Variants in BRF1 observed in about 807,000 individuals in gnomAD.
The protein encoded by BRF1 is BRF1 general transcription factor IIIB subunit.
BRF1 carries 59 observed loss-of-function variants against 81.7 expected under a neutral mutation model. That is an observed-to-expected ratio of 0.72 (90% confidence interval 0.59 to 0.90). BRF1 has a LOEUF of 0.90. BRF1 is among the 40% of genes least tolerant of loss of function. The probability of loss-of-function intolerance (pLI) is 0.00; values close to 1 mark genes in which losing one functional copy is unlikely to be tolerated. For synonymous variants in BRF1, 491 were observed against 395.6 expected (o/e 1.24, Z -2.86); for missense variants, 1,050 against 936.3 (o/e 1.12, Z -1.58).
intron 1 of BRF1, among the ~76,000 whole-genome samples, chr14:105,293,564 G>A (rs1324366752): frequency 1.3e-5 from 2 of 152,244 alleles, no homozygotes; most frequent in Non-Finnish European, 2.9e-5. Context: ...GGCACACACA[G>A]TGCAGGACAC....
At chr14:105,251,792 A>G (rs902101589) in intron 5 of BRF1, among the ~76,000 whole-genome samples, 11 of 151,978 alleles carry the variant, frequency 7.2e-5, no homozygotes, top group African/African-American at 2.4e-4. Flanking sequence ...GTAGGTCAGA[A>G]CCATCGGGCA....
At chr14:105,246,011 C>T (rs921692175) in intron 5 of BRF1, among the ~76,000 whole-genome samples, 2 of 152,080 alleles carry the variant, frequency 1.3e-5, no homozygotes, top group African/African-American at 4.8e-5. Flanking sequence ...TATGTGCAAA[C>T]CATCTATCTC....
chr14:105,241,581 C>T (rs1021828329), intron 5 of BRF1, 167 bp from the exon 6 acceptor site: 71 of 885,582 alleles, frequency 8.0e-5, no homozygotes, highest in Non-Finnish European at 3.6e-5. Context: ...TCAGCTAGGG[C>T]AGCCATCGCA....
chr14:105,281,016 T>A (rs2057068164), intron 2 of BRF1, among the ~76,000 whole-genome samples: 1 of 146,482 alleles, frequency 6.8e-6, no homozygotes, highest in African/African-American at 2.6e-5. Context: ...ACAGCCTGCG[T>A]GACCCTGAGC....
intron 1 of BRF1, among the ~76,000 whole-genome samples, chr14:105,308,475 TTCTG>T (rs1292969252): frequency 1.3e-5 from 2 of 149,178 alleles, no homozygotes; most frequent in South Asian, 2.1e-4. Context: ...CAGAGGCAGA[TTCTG>T]TCTTTTTTTT....
chr14:105,286,319 G>A lies in BRF1; in HGVS notation c.242C>T (p.Ser81Leu), dbSNP rs892408346. 2.9e-5 allele frequency: 47 copies of A among 1,613,498 alleles called. 1 individual carries two copies. The highest frequency in any genetic ancestry group is 4.0e-5 in the Non-Finnish European group (47 of 1,179,856). The part of the protein sequence containing the change: ...GGFHVNLGKE[S>L]RAQTLQNGRR... ...ACCATTCTGCAGGGTCTGCGCTCTCGACTCCTTCCCCAGATTCACGTGGAA... is the reference window on the plus strand; with the variant it reads ...ACCATTCTGCAGGGTCTGCGCTCTCAACTCCTTCCCCAGATTCACGTGGAA... The change falls in exon 2 of 18, where the codon TCG becomes TTG. Residue 81 changes from serine to leucine, a missense_variant. Coordinates refer to ENST00000547530, the MANE Select transcript of BRF1 (RefSeq NM_001519.4).
intron 3 of BRF1, among the ~76,000 whole-genome samples, chr14:105,261,522 G>A (rs2056151062): frequency 6.6e-6 from 1 of 152,214 alleles, no homozygotes; most frequent in African/African-American, 2.4e-5. Flanking sequence ...GATGCTTGCA[G>A]GGAGAAAAAC....
rs1353916385 is a variant in BRF1, at chr14:105,315,391, C to T, written c.-231G>A. ...CCGGCCGGGGTGACGAGGGTGCTTC[C>T]TCTCTCGGGTACCACACGCTTCCTT... On this transcript the variant is annotated 5_prime_UTR_variant, in exon 1 of 18. Coordinates refer to the BRF1 transcript ENST00000327359. This position sits in a 1 kb window ranked among gnomAD's most constrained non-coding sequence, Gnocchi z 4.4. 1.3e-5 allele frequency: 2 copies of T among 152,294 alleles called. No individual in the cohort carries two copies. Among genetic ancestry groups the T allele is most frequent in the African/African-American group, 4.8e-5 (2 of 41,458 alleles). 9.4% of individuals were successfully genotyped at this position (152,294 alleles called of 1,614,324 possible).
intron 15 of BRF1, chr14:105,212,385 GAC>G (rs996569714): frequency 1.7e-4 from 97 of 568,556 alleles, no homozygotes; most frequent in African/African-American, 1.7e-3. Flanking sequence ...AGCAGCACTC[GAC>G]ACAAACACAG....
At chr14:105,273,162 CCTCT>C (rs996444007) in intron 2 of BRF1, among the ~76,000 whole-genome samples, 2 of 152,176 alleles carry the variant, frequency 1.3e-5, no homozygotes, top group African/African-American at 4.8e-5. Flanking sequence ...GCTGAATGTG[CCTCT>C]CTCCAGGGCT....
chr14:105,267,331 G>A (rs2056462406), intron 3 of BRF1, among the ~76,000 whole-genome samples: 1 of 151,678 alleles, frequency 6.6e-6, no homozygotes. Context: ...TTGAGACGGG[G>A]CTCACTCTAT....
At chr14:105,250,399 G>C in intron 5 of BRF1, 1 of 1,613,874 alleles carries the variant, frequency 6.2e-7, no homozygotes, top group Non-Finnish European at 8.5e-7. Flanking sequence ...AGCGGCTCGG[G>C]GTGGTTCTGG....
intron 3 of BRF1, among the ~76,000 whole-genome samples, chr14:105,264,114 T>C (rs1452020395): frequency 6.6e-6 from 1 of 152,120 alleles, no homozygotes; most frequent in Non-Finnish European, 1.5e-5. Context: ...GATTCAACTA[T>C]TTGGCTTATC....
At chr14:105,217,501 C>T (rs1199708808) in intron 15 of BRF1, 43 bp downstream of exon 15, 2 of 1,593,334 alleles carry the variant, frequency 1.3e-6, no homozygotes, top group East Asian at 2.3e-5. Flanking sequence ...TCTGCCCGCC[C>T]TGGGCTGCTG....
intron 1 of BRF1, among the ~76,000 whole-genome samples, chr14:105,310,329 G>C (rs2058316247): frequency 6.6e-6 from 1 of 151,106 alleles, no homozygotes; most frequent in African/African-American, 2.4e-5. Flanking sequence ...AGGAGATCAA[G>C]ACCATCCTGG....
intron 1 of BRF1, among the ~76,000 whole-genome samples, chr14:105,287,696 C>T (rs78923231): frequency 0.22 from 33,258 of 152,190 alleles, 4,080 homozygotes; most frequent in Middle Eastern, 0.27. Flanking sequence ...CAAGGCAGAA[C>T]AGGCACGGCC....
chr14:105,248,604 G>C (rs1437574372), intron 5 of BRF1: 9 of 973,364 alleles, frequency 9.2e-6, no homozygotes, highest in Non-Finnish European at 1.1e-5. Flanking sequence ...CGCCCCCCGC[G>C]GCCGGGCCTG....
At chr14:105,247,476 C>T (rs2055198877) in intron 5 of BRF1, 1 of 985,398 alleles carries the variant, frequency 1.0e-6, no homozygotes. Context: ...CAGCCTTTTC[C>T]TTCCTGACTT....
At chr14:105,280,002 C>G (rs923138075) in intron 2 of BRF1, among the ~76,000 whole-genome samples, 7 of 152,208 alleles carry the variant, frequency 4.6e-5, no homozygotes, top group African/African-American at 1.7e-4. Flanking sequence ...CACAAAATGG[C>G]TCAGGTGCTT....
Sources: gnomAD v4.1 joint callset for allele counts (sites outside exome capture counted in the v4.1 genomes callset) on GRCh38, gnomAD v4.1.1 for gene constraint, Gnocchi (gnomAD v3.1) non-coding constraint, MANE v1.5 for transcripts, NCBI Gene and HGNC (gene_info 2026-07-23, HGNC 2026-07-21) for gene names.